The following LRRTM4 variants were observed in gnomAD, a reference collection of about 807,000 sequenced individuals.
The protein encoded by LRRTM4 is leucine-rich repeat transmembrane neuronal protein 4.
In LRRTM4, 25 loss-of-function variants were observed where a neutral mutation model predicts 47.6. The ratio of observed to expected loss-of-function variants is 0.53; its 90% CI spans 0.38 to 0.73. The LOEUF (loss-of-function observed/expected upper bound fraction) is 0.73. LRRTM4 is among the 30% of genes least tolerant of loss of function. LRRTM4 has a pLI of 0.00. For missense variants in LRRTM4, 638 were observed against 713.4 expected (o/e 0.89, Z 1.20); for synonymous variants, 311 against 269.5 (o/e 1.15, Z -1.51).
At chr2:76,883,191 G>A (rs1013212372) in intron 3 of LRRTM4, among the ~76,000 whole-genome samples, 3 of 152,084 alleles carry the variant, frequency 2.0e-5, no homozygotes, top group Admixed American at 2.0e-4. Flanking sequence ...CCTCTCCTGT[G>A]GAGCTTTCTA....
At chr2:77,196,431 A>T (rs996154257) in intron 3 of LRRTM4, among the ~76,000 whole-genome samples, 3 of 152,176 alleles carry the variant, frequency 2.0e-5, no homozygotes, top group South Asian at 2.1e-4. Flanking sequence ...CAAAAGAAAA[A>T]ATTACTATTT....
At chr2:77,370,048 A>G (rs552473003) in intron 3 of LRRTM4, among the ~76,000 whole-genome samples, 1 of 151,924 alleles carries the variant, frequency 6.6e-6, no homozygotes, top group South Asian at 2.1e-4. Context: ...AAAAATTGAT[A>G]TTAATGTAGG....
intron 3 of LRRTM4, among the ~76,000 whole-genome samples, chr2:77,292,543 T>G (rs1436661991): frequency 6.6e-6 from 1 of 151,968 alleles, no homozygotes; most frequent in Admixed American, 6.6e-5. Context: ...TCATGTCCTT[T>G]GTAGGGACAT....
chr2:77,501,163 T>C (rs1337604053), intron 3 of LRRTM4, among the ~76,000 whole-genome samples: 1 of 150,426 alleles, frequency 6.6e-6, no homozygotes, highest in East Asian at 1.9e-4. Context: ...TATAACTAAA[T>C]GTAGAAACTG....
intron 3 of LRRTM4, among the ~76,000 whole-genome samples, chr2:76,989,475 T>C (rs1676925496): frequency 6.6e-6 from 1 of 151,898 alleles, no homozygotes; most frequent in Non-Finnish European, 1.5e-5. Context: ...AGATTGCATA[T>C]GTTGGATATA....
chr2:77,499,640 T>C (rs1678497007), intron 3 of LRRTM4, among the ~76,000 whole-genome samples: 1 of 151,932 alleles, frequency 6.6e-6, no homozygotes, highest in South Asian at 2.1e-4. Context: ...TCACTCTAAC[T>C]AGATGAACAA....
chr2:76,893,542 T>G (rs564049701), intron 3 of LRRTM4, among the ~76,000 whole-genome samples: 13 of 151,658 alleles, frequency 8.6e-5, no homozygotes, highest in Admixed American at 8.5e-4. Flanking sequence ...ACCTGAAAGG[T>G]TTTTTCTACT....
At chr2:76,790,586 A>T (rs2103710631) in intron 3 of LRRTM4, among the ~76,000 whole-genome samples, 1 of 152,320 alleles carries the variant, frequency 6.6e-6, no homozygotes, top group African/African-American at 2.4e-5. Context: ...ACATAGTAGC[A>T]CTTGATAAGC....
At chr2:76,834,879 C>A (rs535056463) in intron 3 of LRRTM4, among the ~76,000 whole-genome samples, 4 of 152,012 alleles carry the variant, frequency 2.6e-5, no homozygotes, top group African/African-American at 9.7e-5. Context: ...AGACCATGAC[C>A]AAGAAGAGTT....
rs62162572 is a variant in LRRTM4 at position 77,391,082 on chromosome 2, C to T, written c.1551+127236G>A. On this transcript the variant is annotated intron_variant, in intron 3 of 3. Coordinates refer to ENST00000409884, the MANE Select transcript of LRRTM4 (RefSeq NM_001134745.3). Reference sequence around the variant, plus strand: ...CAATCAGGACATTACAAATTCTTTACTAATGAATATTTAATTACTTAATTA... The same window carrying T: ...CAATCAGGACATTACAAATTCTTTATTAATGAATATTTAATTACTTAATTA... 7.3e-3 allele frequency among the ~76,000 whole-genome samples: 1,107 copies of T among 152,026 alleles called. 7 individuals carry two copies. Among genetic ancestry groups the T allele is most frequent in the Non-Finnish European group, 0.013 (905 of 67,966 alleles).
At chr2:77,163,334 A>G (rs1672784907) in intron 3 of LRRTM4, among the ~76,000 whole-genome samples, 1 of 152,222 alleles carries the variant, frequency 6.6e-6, no homozygotes. Context: ...ATGTGGAAAG[A>G]ACAAATCTAC....
chr2:77,374,121 T>A (rs1672746041), intron 3 of LRRTM4, among the ~76,000 whole-genome samples: 2 of 151,658 alleles, frequency 1.3e-5, no homozygotes, highest in Non-Finnish European at 2.9e-5. Flanking sequence ...ATAAAAAATT[T>A]CAGGAAGCTT....
chr2:76,943,374 T>C (rs1675216852), intron 3 of LRRTM4, among the ~76,000 whole-genome samples: 2 of 152,246 alleles, frequency 1.3e-5, no homozygotes, highest in Middle Eastern at 6.8e-3. Flanking sequence ...AGGCAGAGCT[T>C]GCAGTGGGCG....
At chr2:76,892,722 T>A (rs985751) in intron 3 of LRRTM4, among the ~76,000 whole-genome samples, 21,970 of 151,662 alleles carry the variant, frequency 0.14, 1,999 homozygotes, top group Admixed American at 0.22. Flanking sequence ...TTAATGTGTA[T>A]TTTAAATTCA....
chr2:76,929,925 T>TTG (rs3055992), intron 3 of LRRTM4, among the ~76,000 whole-genome samples: 7,497 of 149,214 alleles, frequency 0.05, 530 homozygotes, highest in African/African-American at 0.16. Flanking sequence ...CAATTAGAGT[T>TTG]TGTGTGTGTG....
At chr2:76,918,636 T>C (rs983868951) in intron 3 of LRRTM4, among the ~76,000 whole-genome samples, 4 of 152,202 alleles carry the variant, frequency 2.6e-5, no homozygotes, top group African/African-American at 9.6e-5. Flanking sequence ...AGCATCTGTG[T>C]AATCACTCTT....
At chr2:77,150,015 T>G (rs1009602953) in intron 3 of LRRTM4, among the ~76,000 whole-genome samples, 1 of 152,154 alleles carries the variant, frequency 6.6e-6, no homozygotes, top group South Asian at 2.1e-4. Flanking sequence ...CCTCATTAAT[T>G]TGTACATGAC....
chr2:77,065,084 AAAAC>A (rs1466249850), intron 3 of LRRTM4, among the ~76,000 whole-genome samples: 1 of 152,204 alleles, frequency 6.6e-6, no homozygotes, highest in African/African-American at 2.4e-5. Flanking sequence ...GTTTTATTGA[AAAAC>A]AACCATGTAT....
intron 3 of LRRTM4, among the ~76,000 whole-genome samples, chr2:77,159,515 G>A (rs1672651608): frequency 7.3e-6 from 1 of 137,178 alleles, no homozygotes; most frequent in Non-Finnish European, 1.5e-5. Context: ...AGGACTTAAA[G>A]TATAATGGAA....
Sources: gnomAD v4.1 joint callset for allele counts (sites outside exome capture counted in the v4.1 genomes callset) on GRCh38, gnomAD v4.1.1 for gene constraint, MANE v1.5 for transcripts, NCBI Gene and HGNC (gene_info 2026-07-23, HGNC 2026-07-21) for gene names.